MEGF11: variants seen among roughly 807,000 people sequenced by gnomAD.
The protein encoded by MEGF11 is multiple epidermal growth factor-like domains protein 11.
MEGF11 carries 126 observed loss-of-function variants against 146.6 expected under a neutral mutation model. The observed-to-expected ratio is 0.86, with a 90% CI of 0.74 to 1.00. The LOEUF is 1.00. MEGF11 is among the 50% of genes least tolerant of loss of function. The pLI, the probability that MEGF11 is intolerant of heterozygous loss-of-function variation, is 0.00. For missense variants in MEGF11, 1,509 were observed against 1,521.2 expected, an observed-to-expected ratio of 0.99 and a Z score of 0.13; for synonymous variants, 532 against 583.4, an observed-to-expected ratio of 0.91 and a Z score of 1.27.
At chr15:66,053,711 A>C (rs1253097790) in intron 5 of MEGF11, among the ~76,000 whole-genome samples, 7 of 76,300 alleles carry the variant, frequency 9.2e-5, no homozygotes, top group African/African-American at 8.8e-5. Flanking sequence ...CTCCCCTGGC[A>C]CCAATTTTTT....
chr15:65,918,435 T>C (rs1159611330), intron 15 of MEGF11, among the ~76,000 whole-genome samples: 1 of 152,256 alleles, frequency 6.6e-6, no homozygotes, highest in African/African-American at 2.4e-5. Flanking sequence ...AGTCCAGTGC[T>C]CCCTGTACTG....
chr15:66,235,250 C>A (rs1037494182), intron 1 of MEGF11, among the ~76,000 whole-genome samples: 3 of 152,136 alleles, frequency 2.0e-5, no homozygotes, highest in African/African-American at 7.2e-5. Context: ...TGCCTGTAAT[C>A]CCAGCAATTT....
chr15:66,021,252 G>T (rs1459365554), intron 5 of MEGF11, among the ~76,000 whole-genome samples: 1 of 152,160 alleles, frequency 6.6e-6, no homozygotes, highest in Non-Finnish European at 1.5e-5. Context: ...GTAGAGGAAG[G>T]TTGGGCTCAG....
Position 65,896,903 on chromosome 15 carries a change from T to C in MEGF11, c.*1031A>G, listed in dbSNP as rs1174391722. 1.3e-5 allele frequency: 2 copies of C among 152,252 alleles called. No homozygotes were observed. Among genetic ancestry groups the C allele is most frequent in the Non-Finnish European group, 2.9e-5 (2 of 68,034 alleles). The allele number at this position is 152,252 out of a possible 1,614,324, so 9.4% of individuals were successfully genotyped here. A position where few individuals can be genotyped will look rare whatever the true frequency, so the allele number is the denominator to read the frequency against. ...AAAAAGCATAATGTACTTTAAGCAG[T>C]GTAAACTTGCTGTATCCACATTTGT... is the stretch of plus-strand genomic sequence containing the variant. On this transcript the variant is annotated 3_prime_UTR_variant, in exon 26 of 26. Coordinates refer to ENST00000395614, the MANE Select transcript of MEGF11 (RefSeq NM_001385028.1).
At chr15:66,027,061 C>T (rs2083354534) in intron 5 of MEGF11, among the ~76,000 whole-genome samples, 1 of 152,208 alleles carries the variant, frequency 6.6e-6, no homozygotes, top group South Asian at 2.1e-4. Context: ...TGCACCAGCA[C>T]TCCCAGTCCT....
chr15:66,102,345 G>A (rs2086854511), intron 4 of MEGF11, among the ~76,000 whole-genome samples: 1 of 149,846 alleles, frequency 6.7e-6, no homozygotes, highest in African/African-American at 2.5e-5. Context: ...CATTCATCAA[G>A]CTGAGTTCCT....
At chr15:66,014,225 T>C (rs572303274) in intron 5 of MEGF11, among the ~76,000 whole-genome samples, 2 of 152,362 alleles carry the variant, frequency 1.3e-5, no homozygotes, top group African/African-American at 4.8e-5. Context: ...TCCTAGACTT[T>C]GCCATGTCTG....
intron 1 of MEGF11, among the ~76,000 whole-genome samples, chr15:66,219,720 G>T (rs547869008): frequency 6.9e-6 from 1 of 145,702 alleles, no homozygotes; most frequent in Non-Finnish European, 1.5e-5. Flanking sequence ...AAAAAAAAAC[G>T]TATCTACCAT....
At chr15:66,162,839 G>A (rs1316963064) in intron 1 of MEGF11, among the ~76,000 whole-genome samples, 1 of 151,834 alleles carries the variant, frequency 6.6e-6, no homozygotes, top group South Asian at 2.1e-4. Flanking sequence ...TTTTTTCGAG[G>A]AAAAGAAATG....
intron 4 of MEGF11, among the ~76,000 whole-genome samples, chr15:66,102,648 G>T (rs1369286495): frequency 6.6e-6 from 1 of 152,008 alleles, no homozygotes; most frequent in African/African-American, 2.4e-5. Context: ...ATCCCAAGTT[G>T]CCTAAGCTGG....
intron 5 of MEGF11, among the ~76,000 whole-genome samples, chr15:66,053,508 A>G (rs1009464278): frequency 1.7e-4 from 26 of 151,934 alleles, no homozygotes; most frequent in African/African-American, 6.3e-4. Flanking sequence ...TAGTTCCCCA[A>G]CCCAACAGCA....
intron 1 of MEGF11, among the ~76,000 whole-genome samples, chr15:66,184,664 C>G (rs1352254680): frequency 6.6e-6 from 1 of 151,126 alleles, no homozygotes; most frequent in Non-Finnish European, 1.5e-5. Context: ...CCCACCTACT[C>G]CCCCTCAACC....
chr15:66,159,783 G>A (rs939457487), intron 1 of MEGF11, among the ~76,000 whole-genome samples: 15 of 152,090 alleles, frequency 9.9e-5, no homozygotes, highest in Non-Finnish European at 1.8e-4. Context: ...GAGCCCTGGT[G>A]GGAAGGATGG....
At chr15:66,219,461 C>G (rs2091676154) in intron 1 of MEGF11, among the ~76,000 whole-genome samples, 2 of 152,158 alleles carry the variant, frequency 1.3e-5, no homozygotes, top group African/African-American at 4.8e-5. Context: ...GAAAAAAATG[C>G]TCAACATCAT....
chr15:65,898,337 C>T (rs2078402163), intron 25 of MEGF11: 1 of 985,362 alleles, frequency 1.0e-6, no homozygotes, highest in Non-Finnish European at 1.2e-6. Flanking sequence ...GGAGTCTTAC[C>T]AGTGAGCCCA....
Position 65,982,429 on chromosome 15 carries a change from C to A in MEGF11, c.454G>T (p.Ala152Ser). Residue 152 changes from alanine to serine, a missense_variant, in exon 6 of 26, where the codon GCC becomes TCC. Ala to Ser is a moderately conservative substitution (Grantham distance 99). Transcript: ENST00000395614. The surrounding 1 kb of genome is among the most constrained non-coding windows in gnomAD (Gnocchi z 5.6). ...GCGCCTGTGATGGGGTTACACAGGG[C>A]GCCGTTCTGGCACTGGCACCGGTTG... ...CSNRCQCQNG[A>S]LCNPITGACV... 1 of 1,499,818 alleles carries A rather than the reference C, an allele frequency of 6.7e-7. No homozygotes were observed. The allele number at this position is 1,499,818 out of a possible 1,614,324, so 92.9% of individuals were successfully genotyped here. A position where few individuals can be genotyped will look rare whatever the true frequency, so the allele number is the denominator to read the frequency against.
chr15:65,909,831 T>A lies in MEGF11; in HGVS notation c.2830-25A>T, dbSNP rs138175804. 220 of 1,547,656 alleles carry A rather than the reference T, an allele frequency of 1.4e-4. 2 individuals carry two copies. In the East Asian group the frequency reaches 5.2e-3, roughly 37 times the overall value. On this transcript the variant is annotated intron_variant, in intron 21 of 25. Coordinates refer to ENST00000395614, the MANE Select transcript of MEGF11 (RefSeq NM_001385028.1). The stretch of plus-strand genomic sequence containing the variant: ...GCTGTTTGGAGAGTAGGAGAGCCAG[T>A]TAATATCTAGTGCCCCAGGTACCCC...
chr15:66,146,951 C>T (rs926742008), intron 1 of MEGF11, among the ~76,000 whole-genome samples: 2 of 152,186 alleles, frequency 1.3e-5, no homozygotes, highest in Non-Finnish European at 2.9e-5. Flanking sequence ...CATAATGCCC[C>T]CACTTGCTCA....
chr15:66,161,246 A>G (rs2089943398), intron 1 of MEGF11, among the ~76,000 whole-genome samples: 1 of 152,162 alleles, frequency 6.6e-6, no homozygotes, highest in South Asian at 2.1e-4. Context: ...ATAGCGATGA[A>G]TGTAAGGGGC....
Sources: allele counts gnomAD v4.1 joint callset (sites outside exome capture counted in the v4.1 genomes callset), GRCh38; gene constraint gnomAD v4.1.1; non-coding constraint Gnocchi (gnomAD v3.1); transcripts MANE v1.5; gene names NCBI Gene and HGNC (gene_info 2026-07-23, HGNC 2026-07-21).